CTTNBP2: variants seen among roughly 807,000 people sequenced by gnomAD.
CTTNBP2 encodes the protein cortactin-binding protein 2.
A neutral mutation model predicts 156.9 loss-of-function variants in CTTNBP2; 108 were observed. The ratio of observed to expected loss-of-function variants is 0.69; its 90% CI spans 0.59 to 0.81. CTTNBP2 has a LOEUF of 0.81. Ranked by LOEUF, CTTNBP2 falls within the 30% of genes least tolerant of loss-of-function variation. The pLI is 0.00. For missense variants in CTTNBP2, 1,924 were observed against 2,035.4 expected, an observed-to-expected ratio of 0.95 and a Z score of 1.05; for synonymous variants, 767 against 751.8, an observed-to-expected ratio of 1.02 and a Z score of -0.33.
chr7:117,873,306 C>A (rs1474384064), intron 1 of CTTNBP2, 29 bp downstream of exon 1: 3 of 1,415,460 alleles, frequency 2.1e-6, no homozygotes, highest in Non-Finnish European at 2.8e-6. Flanking sequence ...TCTACACTAG[C>A]CCCGCGCCCG....
Position 117,734,913 on chromosome 7 carries a change from C to A in CTTNBP2, c.3876G>T (p.Lys1292Asn). ...QRFLRRKVVNKFKGQAPSPCD... is the reference protein window; with the variant it reads ...QRFLRRKVVNNFKGQAPSPCD... Reference sequence around the variant, plus strand: ...ACAGGCTGCACTTGCTGTTTGTTACCTTATTCACAACTTTCCTTCGTAAGA... The same window carrying A: ...ACAGGCTGCACTTGCTGTTTGTTACATTATTCACAACTTTCCTTCGTAAGA... The change falls in exon 16 of 23, where the codon AAG (lysine) becomes AAT (asparagine). Residue 1292 changes from lysine to asparagine, a missense_variant and splice_region_variant. Lys to Asn is a moderately conservative substitution (Grantham distance 94, BLOSUM62 0). Coordinates refer to ENST00000160373, the MANE Select transcript of CTTNBP2 (RefSeq NM_033427.3). 1 of 1,585,718 alleles carries A rather than the reference C, an allele frequency of 6.3e-7. No homozygotes were observed. Among genetic ancestry groups the A allele is most frequent in the South Asian group, 1.1e-5 (1 of 88,350 alleles).
intron 2 of CTTNBP2, among the ~76,000 whole-genome samples, chr7:117,845,101 G>A (rs986218190): frequency 9.9e-5 from 15 of 152,092 alleles, no homozygotes; most frequent in Non-Finnish European, 4.4e-5. Flanking sequence ...CAAGCCTATT[G>A]GTGTGGGCAT....
At position 117,873,323 on chromosome 7, in the gene CTTNBP2, G is replaced by A; in HGVS notation, c.81+12C>T. The A allele has an allele frequency of 2.1e-6, 3 of 1,438,792 alleles. No homozygotes were observed. The South Asian group carries it at 4.1e-5, about 20-fold the overall frequency. 89.1% of individuals were successfully genotyped at this position (1,438,792 alleles called of 1,614,324 possible). On this transcript the variant is annotated intron_variant, in intron 1 of 22. Transcript: ENST00000160373. ...TACACTAGCCCCGCGCCCGCCCCGG[G>A]AACTCGGTTACCGCCGCCTCCGCCG...
Position 117,866,707 on chromosome 7 carries a change from C to A in CTTNBP2, c.82-5391G>T, listed in dbSNP as rs77067587. Among the ~76,000 whole-genome samples the A allele has an allele frequency of 9.6e-3, 1,460 of 152,198 alleles. 38 individuals carry two copies. In the East Asian group the frequency reaches 0.11, roughly 11 times the overall value. ...CTGGAGTAAGTGATCTCTTAAATCTCCCCCATCCCCTAAATGTCCTGATTT... is the reference window on the plus strand; with the variant it reads ...CTGGAGTAAGTGATCTCTTAAATCTACCCCATCCCCTAAATGTCCTGATTT... On this transcript the variant is annotated intron_variant, in intron 1 of 22. Coordinates refer to ENST00000160373, the MANE Select transcript of CTTNBP2 (RefSeq NM_033427.3).
At chr7:117,816,615 T>C (rs1800590428) in intron 2 of CTTNBP2, among the ~76,000 whole-genome samples, 1 of 152,190 alleles carries the variant, frequency 6.6e-6, no homozygotes, top group Admixed American at 6.5e-5. Flanking sequence ...ATGAAACATA[T>C]GTCCAAGCCA....
At chr7:117,731,058 T>C (rs959676603) in intron 16 of CTTNBP2, among the ~76,000 whole-genome samples, 1 of 152,188 alleles carries the variant, frequency 6.6e-6, no homozygotes, top group Non-Finnish European at 1.5e-5. Flanking sequence ...ATGTACATGG[T>C]ACAAGGCTAT....
In CTTNBP2 at chr7:117,791,306, G is replaced by A. The variant is rs1372200099; in HGVS notation, c.1890C>T (p.Ala630=). 1.2e-6 allele frequency: 2 copies of A among 1,614,044 alleles called. No individual in the cohort carries two copies. Among genetic ancestry groups the A allele is most frequent in the Non-Finnish European group, 1.7e-6 (2 of 1,180,032 alleles). ...AGGCACCCACCTGAGACGTGGCCAG[G>A]GCTGAAACGGCACAGCCTGCAGGTG... is the stretch of plus-strand genomic sequence containing the variant. ...TVAPAGCAVS[A]LATSQVGAWP... is the part of the protein sequence containing the mutation. The change falls in exon 4 of 23, where the codon GCC becomes GCT. Residue 630 remains alanine (A), a synonymous_variant. Transcript: ENST00000160373.
At chr7:117,768,984 C>A (rs566174427) in intron 8 of CTTNBP2, among the ~76,000 whole-genome samples, 2 of 152,246 alleles carry the variant, frequency 1.3e-5, no homozygotes, top group African/African-American at 2.4e-5. Flanking sequence ...TGTTGATGAA[C>A]ATTGGTGTTC....
At chr7:117,760,225 G>A in intron 10 of CTTNBP2, 1 of 564,574 alleles carries the variant, frequency 1.8e-6, no homozygotes. Flanking sequence ...TACTCTCTGA[G>A]TATTATTTGG....
chr7:117,847,534 A>G (rs1221917661), intron 2 of CTTNBP2, among the ~76,000 whole-genome samples: 1 of 152,198 alleles, frequency 6.6e-6, no homozygotes, highest in Non-Finnish European at 1.5e-5. Context: ...GACTCCAAAG[A>G]AAAAGAATGT....
intron 9 of CTTNBP2, 31 bp downstream of exon 9, chr7:117,767,028 A>G (rs1478066035): frequency 6.8e-6 from 8 of 1,179,172 alleles, no homozygotes; most frequent in African/African-American, 1.5e-5. Flanking sequence ...CATAGGGGAA[A>G]GATAAACAAT....
chr7:117,840,855 G>A (rs1416790530), intron 2 of CTTNBP2, among the ~76,000 whole-genome samples: 1 of 152,120 alleles, frequency 6.6e-6, no homozygotes, highest in East Asian at 1.9e-4. Flanking sequence ...GAATGGGTCT[G>A]GGTAGTGCAA....
In CTTNBP2 at chr7:117,854,913, T is replaced by G. The variant is rs551012127; in HGVS notation, c.189+6296A>C. Reference sequence around the variant, plus strand: ...GATTCTCCTGCCTCAACCTCTCAAGTAGCTGGGATTACAGGTGTGTGCCAC... The same window carrying G: ...GATTCTCCTGCCTCAACCTCTCAAGGAGCTGGGATTACAGGTGTGTGCCAC... On this transcript the variant is annotated intron_variant, in intron 2 of 22. Coordinates refer to ENST00000160373, the MANE Select transcript of CTTNBP2 (RefSeq NM_033427.3). Among the ~76,000 whole-genome samples the G allele has an allele frequency of 6.3e-4, 96 of 152,272 alleles. 1 individual carries two copies. The highest frequency in any genetic ancestry group is 1.9e-3 in the South Asian group (9 of 4,828).
chr7:117,784,840 C>G (rs905963440), intron 4 of CTTNBP2, among the ~76,000 whole-genome samples: 1 of 152,012 alleles, frequency 6.6e-6, no homozygotes, highest in African/African-American at 2.4e-5. Flanking sequence ...TAAAGTTTTC[C>G]TCTAATTCAA....
At chr7:117,824,179 G>GT (rs1486226357) in intron 2 of CTTNBP2, among the ~76,000 whole-genome samples, 5 of 88,512 alleles carry the variant, frequency 5.6e-5, no homozygotes, top group South Asian at 6.2e-4. Flanking sequence ...TAAACTTTCT[G>GT]GTTTTTTTTT....
intron 12 of CTTNBP2, among the ~76,000 whole-genome samples, chr7:117,751,733 G>A (rs1267508641): frequency 6.6e-6 from 1 of 152,082 alleles, no homozygotes; most frequent in Non-Finnish European, 1.5e-5. Flanking sequence ...ATATAGACAG[G>A]TCCCCATTTA....
At chr7:117,835,335 G>A (rs1801863461) in intron 2 of CTTNBP2, among the ~76,000 whole-genome samples, 1 of 152,170 alleles carries the variant, frequency 6.6e-6, no homozygotes, top group African/African-American at 2.4e-5. Context: ...TCAGCCTAAA[G>A]GTTTCTCTGT....
At chr7:117,849,271 C>T (rs921466069) in intron 2 of CTTNBP2, among the ~76,000 whole-genome samples, 1 of 152,198 alleles carries the variant, frequency 6.6e-6, no homozygotes, top group African/African-American at 2.4e-5. Context: ...TTTGGATCAG[C>T]GGTTCTCAAA....
At chr7:117,758,970 C>T (rs1562978985) in intron 10 of CTTNBP2, among the ~76,000 whole-genome samples, 1 of 152,190 alleles carries the variant, frequency 6.6e-6, no homozygotes, top group African/African-American at 2.4e-5. Flanking sequence ...GGGGCCATTT[C>T]CTTCAAAACA....
Sources: allele counts gnomAD v4.1 joint callset (sites outside exome capture counted in the v4.1 genomes callset), GRCh38; gene constraint gnomAD v4.1.1; transcripts MANE v1.5; gene names NCBI Gene and HGNC (gene_info 2026-07-23, HGNC 2026-07-21).